ERC2: variants seen among roughly 807,000 people sequenced by gnomAD.
The protein encoded by ERC2 is ELKS/RAB6-interacting/CAST family member 2, also known as ERC protein 2.
In ERC2, 42 loss-of-function variants were observed where a neutral mutation model predicts 114.8. The ratio of observed to expected loss-of-function variants is 0.37; its 90% CI spans 0.29 to 0.47. The LOEUF (loss-of-function observed/expected upper bound fraction) is 0.47. Among genes scored for constraint, ERC2 ranks in the 20% least tolerant of loss-of-function variants. ERC2 has a pLI of 0.99. For synonymous variants in ERC2, 454 were observed against 425.5 expected, an observed-to-expected ratio of 1.07 and a Z score of -0.82; for missense variants, 939 against 1,150.7, an observed-to-expected ratio of 0.82 and a Z score of 2.66.
chr3:56,382,690 G>A (rs73075839), intron 2 of ERC2, among the ~76,000 whole-genome samples: 2,390 of 151,930 alleles, frequency 0.016, 21 homozygotes, highest in African/African-American at 0.021. Flanking sequence ...TTGCAATATC[G>A]CAGTGTTCAT....
At chr3:56,379,250 A>G (rs549650004) in intron 2 of ERC2, among the ~76,000 whole-genome samples, 1 of 152,312 alleles carries the variant, frequency 6.6e-6, no homozygotes, top group East Asian at 1.9e-4. Context: ...AAATGCACTT[A>G]TCCTATCTGA....
chr3:56,438,556 T>A (rs1421086949), intron 1 of ERC2, among the ~76,000 whole-genome samples: 1 of 151,384 alleles, frequency 6.6e-6, no homozygotes, highest in Non-Finnish European at 1.5e-5. Flanking sequence ...TGATATATAC[T>A]TTTTTCATTA....
intron 6 of ERC2, among the ~76,000 whole-genome samples, chr3:56,097,390 A>G (rs1323948434): frequency 2.6e-5 from 4 of 152,106 alleles, no homozygotes; most frequent in African/African-American, 9.7e-5. Flanking sequence ...TCCCTTTGCT[A>G]GTATACATCA....
chr3:55,535,368 G>A (rs1358261139), intron 17 of ERC2, among the ~76,000 whole-genome samples: 1 of 152,210 alleles, frequency 6.6e-6, no homozygotes, highest in African/African-American at 2.4e-5. Context: ...CCCAGAGCTT[G>A]TGTGAGTGCC....
At chr3:56,370,602 T>TG (rs2059327885) in intron 2 of ERC2, among the ~76,000 whole-genome samples, 1 of 149,388 alleles carries the variant, frequency 6.7e-6, no homozygotes, top group African/African-American at 2.5e-5. Flanking sequence ...TTTGTTTTTT[T>TG]TTTTTTTTTT....
At chr3:55,575,460 C>CCATGTGACCTCTTGAAAAT (rs530496898) in intron 17 of ERC2, among the ~76,000 whole-genome samples, 22 of 152,336 alleles carry the variant, frequency 1.4e-4, no homozygotes, top group African/African-American at 5.3e-4. Flanking sequence ...TCTGACTAGC[C>CCATGTGACCTCTTGAAAAT]CATGTGACCT....
chr3:56,195,599 G>A (rs1363063170), intron 3 of ERC2, among the ~76,000 whole-genome samples: 1 of 151,968 alleles, frequency 6.6e-6, no homozygotes, highest in African/African-American at 2.4e-5. Context: ...GGGAGTAGAG[G>A]TGGGAGGATT....
chr3:55,524,135 A>G (rs1485379066), intron 17 of ERC2, among the ~76,000 whole-genome samples: 1 of 152,222 alleles, frequency 6.6e-6, no homozygotes, highest in African/African-American at 2.4e-5. Context: ...TGGCTGGCAT[A>G]TAACAGGAGT....
At chr3:56,266,592 G>A (rs2053325284) in intron 3 of ERC2, among the ~76,000 whole-genome samples, 2 of 152,058 alleles carry the variant, frequency 1.3e-5, no homozygotes, top group African/African-American at 2.4e-5. Context: ...TGTTGGAATG[G>A]CATTAGCAAA....
chr3:55,796,044 C>A (rs1559667883), intron 14 of ERC2, among the ~76,000 whole-genome samples: 2 of 152,158 alleles, frequency 1.3e-5, no homozygotes, highest in South Asian at 2.1e-4. Context: ...AGACAGAATT[C>A]TTTGGTGAGC....
intron 13 of ERC2, among the ~76,000 whole-genome samples, chr3:55,928,139 G>A (rs889155881): frequency 6.6e-5 from 10 of 152,162 alleles, no homozygotes; most frequent in African/African-American, 2.2e-4. Context: ...TAAGATTGCT[G>A]CATTGTATGG....
At chr3:56,168,091 C>G (rs1223895477) in intron 4 of ERC2, among the ~76,000 whole-genome samples, 1 of 152,146 alleles carries the variant, frequency 6.6e-6, no homozygotes, top group East Asian at 1.9e-4. Context: ...GTAAAGAGTG[C>G]AAGAGCTTTG....
At chr3:55,551,584 G>C (rs1468556455) in intron 17 of ERC2, among the ~76,000 whole-genome samples, 1 of 152,106 alleles carries the variant, frequency 6.6e-6, no homozygotes, top group Non-Finnish European at 1.5e-5. Context: ...CGTGTTTAGA[G>C]GTAAATCCAA....
At chr3:55,641,347 C>T (rs879690321) in intron 17 of ERC2, among the ~76,000 whole-genome samples, 5 of 152,060 alleles carry the variant, frequency 3.3e-5, no homozygotes, top group South Asian at 4.2e-4. Flanking sequence ...GTAAGGAGTT[C>T]GAGACCAGCC....
rs555225117 is a variant in ERC2 at position 55,731,703 on chromosome 3, G to A, written c.2712+3068C>T. 4.6e-5 allele frequency among the ~76,000 whole-genome samples: 7 copies of A among 152,206 alleles called. No homozygotes were observed. The East Asian group carries it at 1.2e-3, about 25-fold the overall frequency. ...CTGAGCAAGATACCCAACCTCTATG[G>A]GCCTCTGGCTTCTTCTCTATAAGAG... On this transcript the variant is annotated intron_variant, in intron 15 of 17. Coordinates refer to ENST00000288221, the MANE Select transcript of ERC2 (RefSeq NM_015576.3).
chr3:56,179,775 G>T (rs919637198), intron 3 of ERC2, among the ~76,000 whole-genome samples: 37 of 151,866 alleles, frequency 2.4e-4, no homozygotes, highest in Admixed American at 2.1e-3. Flanking sequence ...TAAGAGTTTT[G>T]GTTTTGTATG....
chr3:55,864,172 TATATATATACAC>T (rs1559783292), intron 14 of ERC2, among the ~76,000 whole-genome samples: 22 of 113,490 alleles, frequency 1.9e-4, no homozygotes, highest in African/African-American at 8.5e-4. Flanking sequence ...TATATACACA[TATATATATACAC>T]ATATATATAT....
intron 7 of ERC2, among the ~76,000 whole-genome samples, chr3:56,070,935 A>C (rs1168655152): frequency 6.6e-6 from 1 of 151,906 alleles, no homozygotes. Context: ...CTCATCTCTC[A>C]ATTTAGCCAT....
intron 10 of ERC2, among the ~76,000 whole-genome samples, chr3:56,001,603 G>A (rs1166255757): frequency 6.6e-6 from 1 of 152,150 alleles, no homozygotes; most frequent in Non-Finnish European, 1.5e-5. Flanking sequence ...CCACTGGGGT[G>A]AAGTGAAGTA....
Sources: allele counts gnomAD v4.1 joint callset (sites outside exome capture counted in the v4.1 genomes callset), GRCh38; gene constraint gnomAD v4.1.1; transcripts MANE v1.5; gene names NCBI Gene and HGNC (gene_info 2026-07-23, HGNC 2026-07-21).